KDM7A: variants seen among roughly 807,000 people sequenced by gnomAD.
KDM7A encodes the protein lysine demethylase 7A, also known as lysine-specific demethylase 7A.
In KDM7A, 28 loss-of-function variants were observed where a neutral mutation model predicts 114.8. The ratio of observed to expected loss-of-function variants is 0.24; its 90% CI spans 0.18 to 0.33. KDM7A has a LOEUF of 0.33. KDM7A is among the 10% of genes least tolerant of loss of function. The pLI is 1.00. For missense variants in KDM7A, 942 were observed against 1,142.5 expected, an observed-to-expected ratio of 0.82 and a Z score of 2.53; for synonymous variants, 423 against 397.8, an observed-to-expected ratio of 1.06 and a Z score of -0.75.
intron 11 of KDM7A, among the ~76,000 whole-genome samples, chr7:140,106,101 T>C (rs1448558227): frequency 1.3e-5 from 2 of 152,250 alleles, no homozygotes; most frequent in Non-Finnish European, 2.9e-5. Flanking sequence ...TATTCTCTGA[T>C]GGTAGTTTGT....
At chr7:140,105,397 CCATT>C (rs899993478) in intron 11 of KDM7A, among the ~76,000 whole-genome samples, 1 of 152,148 alleles carries the variant, frequency 6.6e-6, no homozygotes, top group Admixed American at 6.5e-5. Context: ...CCAGTTTTGC[CCATT>C]CATTATGATA....
Position 140,176,852 on chromosome 7 carries a change from G to T in KDM7A, c.86C>A (p.Ala29Asp). The T allele has an allele frequency of 7.7e-7, 1 of 1,300,546 alleles. No homozygotes were observed. The highest frequency in any genetic ancestry group is 9.9e-7 in the Non-Finnish European group (1 of 1,008,500). The allele number at this position is 1,300,546 out of a possible 1,614,324, so 80.6% of individuals were successfully genotyped here. Residue 29 changes from alanine (A) to aspartate (D), a missense_variant, in exon 1 of 20, where the codon GCC becomes GAC. Physicochemically the swap from Ala to Asp is moderately radical, Grantham distance 126. Around this residue, in one of 4 missense-constraint regions of KDM7A, gnomAD observed 112 missense variants for 96.2 expected, o/e 1.16. Coordinates refer to ENST00000397560, the MANE Select transcript of KDM7A (RefSeq NM_030647.2). This position sits in a 1 kb window ranked among gnomAD's most constrained non-coding sequence, Gnocchi z 4.4. ...GGGCGGGGGCGGCGGAGGCGCCGAG[G>T]CCCGGCCGGGAGCCGCCACCGACAC... ...AAVSVAAPGR[A>D]SAPPPPPPVY... is the part of the protein sequence containing the mutation.
chr7:140,152,437 C>T (rs1403632661), intron 1 of KDM7A, among the ~76,000 whole-genome samples: 3 of 152,012 alleles, frequency 2.0e-5, no homozygotes, highest in Admixed American at 1.3e-4. Flanking sequence ...CCAGCCTGGG[C>T]GACAAGGCAA....
At position 140,129,649 on chromosome 7, in the gene KDM7A, C is replaced by T. The variant is rs776249040; in HGVS notation, c.403G>A (p.Asp135Asn). The change falls in exon 4 of 20, where the codon GAT becomes AAT. Residue 135 changes from aspartate (D) to asparagine (N), a missense_variant. Asp to Asn is a conservative substitution (Grantham distance 23). Transcript: ENST00000397560. ...ELRSRVFPSA[D>N]EIIIKMHGSQ... ...CCATGCATCTTTATAATTATTTCAT[C>T]GGCACTAAGGAAAAACATAAGAATA... The T allele has an allele frequency of 1.2e-5, 19 of 1,598,440 alleles. No homozygotes were observed. The African/African-American group carries it at 1.3e-4, about 11-fold the overall frequency.
intron 1 of KDM7A, among the ~76,000 whole-genome samples, chr7:140,152,452 C>T (rs1214227699): frequency 6.6e-6 from 1 of 151,824 alleles, no homozygotes; most frequent in African/African-American, 2.4e-5. Context: ...AGGCAAAACC[C>T]AACTCTACTA....
At chr7:140,157,884 G>A (rs897124334) in intron 1 of KDM7A, among the ~76,000 whole-genome samples, 2 of 151,438 alleles carry the variant, frequency 1.3e-5, no homozygotes, top group African/African-American at 4.9e-5. Flanking sequence ...CAGAAGAATT[G>A]CTTGAACCCA....
chr7:140,123,050 G>C (rs1818640416), intron 7 of KDM7A, among the ~76,000 whole-genome samples: 1 of 152,234 alleles, frequency 6.6e-6, no homozygotes, highest in South Asian at 2.1e-4. Context: ...TGAGCAAAGG[G>C]TTTGAATAGA....
At chr7:140,130,347 C>T (rs1219966411) in intron 3 of KDM7A, among the ~76,000 whole-genome samples, 1 of 152,110 alleles carries the variant, frequency 6.6e-6, no homozygotes, top group African/African-American at 2.4e-5. Context: ...AGGCCAGGCA[C>T]GGTGGCTCAT....
At chr7:140,169,586 C>A in intron 1 of KDM7A, among the ~76,000 whole-genome samples, 1 of 152,096 alleles carries the variant, frequency 6.6e-6, no homozygotes, top group East Asian at 1.9e-4. Flanking sequence ...AGTGCAGTGG[C>A]GTGATCTCGG....
At chr7:140,101,653 G>C (rs993036987) in intron 12 of KDM7A, among the ~76,000 whole-genome samples, 2 of 152,140 alleles carry the variant, frequency 1.3e-5, no homozygotes, top group African/African-American at 4.8e-5. Context: ...CTTCATGAGG[G>C]GCAGGGACTT....
rs998858871 is a variant in KDM7A at position 140,166,410 on chromosome 7, G to C, written c.194+10334C>G. Among the ~76,000 whole-genome samples the C allele has an allele frequency of 3.4e-5, 5 of 149,034 alleles. No individual in the cohort carries two copies. The Admixed American group carries it at 3.4e-4, about 10-fold the overall frequency. On this transcript the variant is annotated intron_variant, in intron 1 of 19. Transcript: ENST00000397560. ...GCTGGAGTGCACTGGTGGGATCATG[G>C]CTCACTGCAGCTTCAACCTCCCAAG... is the stretch of plus-strand genomic sequence containing the variant.
chr7:140,086,645 A>G lies in KDM7A; in HGVS notation c.*4449T>C, dbSNP rs948919593. 6.6e-6 allele frequency: 1 copy of G among 152,196 alleles called. No homozygotes were observed. Among genetic ancestry groups the G allele is most frequent in the Non-Finnish European group, 1.5e-5 (1 of 68,040 alleles). 9.4% of individuals were successfully genotyped at this position (152,196 alleles called of 1,614,324 possible). A position where few individuals can be genotyped will look rare whatever the true frequency, so the allele number is the denominator to read the frequency against. On this transcript the variant is annotated 3_prime_UTR_variant, in exon 20 of 20. Transcript: ENST00000397560. ...TCTTTCCACCTGGTTTCAAGGAAGC[A>G]CATGAACATCATCTCATAGGGCAAG... is the stretch of plus-strand genomic sequence containing the variant.
intron 2 of KDM7A, among the ~76,000 whole-genome samples, chr7:140,137,368 T>A (rs575759028): frequency 1.3e-5 from 2 of 152,374 alleles, no homozygotes; most frequent in East Asian, 3.9e-4. Flanking sequence ...TTATTCTGCC[T>A]CATAGTAACT....
Position 140,084,746 on chromosome 7 carries a change from T to C in KDM7A, c.*6348A>G, listed in dbSNP as rs1345809685. 3 of 152,360 alleles carry C rather than the reference T, an allele frequency of 2.0e-5. No homozygotes were observed. The highest frequency in any genetic ancestry group is 1.9e-4 in the East Asian group (1 of 5,188). The allele number at this position is 152,360 out of a possible 1,614,324, so 9.4% of individuals were successfully genotyped here. On this transcript the variant is annotated 3_prime_UTR_variant, in exon 20 of 20. Coordinates refer to ENST00000397560, the MANE Select transcript of KDM7A (RefSeq NM_030647.2). ...GCAGAAAAAGGGAACAAAGTCAGAA[T>C]TGGATATAGAATTCAGATTCTTTTT...
chr7:140,091,038 C>T lies in KDM7A; in HGVS notation c.*56G>A. 2 of 1,285,248 alleles carry T rather than the reference C, an allele frequency of 1.6e-6. No individual in the cohort carries two copies. The highest frequency in any genetic ancestry group is 4.6e-5 in the East Asian group (2 of 43,400). 79.6% of individuals were successfully genotyped at this position (1,285,248 alleles called of 1,614,324 possible). A position where few individuals can be genotyped will look rare whatever the true frequency, so the allele number is the denominator to read the frequency against. On this transcript the variant is annotated 3_prime_UTR_variant, in exon 20 of 20. Transcript: ENST00000397560. ...GCAGGGGGACAGCGGAAGCTCCAGG[C>T]TCCTGCACCCCTAGACTGGTCTCCA...
At position 140,085,484 on chromosome 7, in the gene KDM7A, C is replaced by CA. The variant is rs1250888406; in HGVS notation, c.*5609_*5610insT. 1.8e-4 allele frequency: 27 copies of CA among 152,028 alleles called. No individual in the cohort carries two copies. Among genetic ancestry groups the CA allele is most frequent in the African/African-American group, 6.3e-4 (26 of 41,366 alleles). 9.4% of individuals were successfully genotyped at this position (152,028 alleles called of 1,614,324 possible). A position where few individuals can be genotyped will look rare whatever the true frequency, so the allele number is the denominator to read the frequency against. ...TATTATATAATCTCTTAAAATGAAC[C>CA]TTTTCACCCTCTTTCCACAGCATGA... On this transcript the variant is annotated 3_prime_UTR_variant, in exon 20 of 20. Coordinates refer to ENST00000397560, the MANE Select transcript of KDM7A (RefSeq NM_030647.2).
intron 13 of KDM7A, among the ~76,000 whole-genome samples, chr7:140,099,246 G>A (rs1217828981): frequency 6.6e-6 from 1 of 152,186 alleles, no homozygotes; most frequent in Non-Finnish European, 1.5e-5. Flanking sequence ...CCTGGCTGGA[G>A]TGCAGTGGCA....
At chr7:140,148,582 G>A (rs1794367301) in intron 1 of KDM7A, among the ~76,000 whole-genome samples, 4 of 152,160 alleles carry the variant, frequency 2.6e-5, no homozygotes, top group Admixed American at 6.5e-5. Context: ...GGCTTAATAA[G>A]TTGACATTCT....
intron 3 of KDM7A, among the ~76,000 whole-genome samples, chr7:140,131,962 T>C (rs1357913193): frequency 6.6e-6 from 1 of 152,082 alleles, no homozygotes; most frequent in African/African-American, 2.4e-5. Context: ...TGAAACATAA[T>C]AGAGTAAAAA....
Sources: allele counts gnomAD v4.1 joint callset (sites outside exome capture counted in the v4.1 genomes callset), GRCh38; gene constraint gnomAD v4.1.1; regional missense constraint gnomAD v4.1.1; non-coding constraint Gnocchi (gnomAD v3.1); transcripts MANE v1.5; gene names NCBI Gene and HGNC (gene_info 2026-07-23, HGNC 2026-07-21).